TENM1: variants seen among roughly 807,000 people sequenced by gnomAD.
TENM1 encodes the protein teneurin-1.
A neutral mutation model predicts 174.8 loss-of-function variants in TENM1; 35 were observed. That is an observed-to-expected ratio of 0.20 (90% CI 0.15 to 0.27). The LOEUF (loss-of-function observed/expected upper bound fraction) is 0.27. TENM1 is among the 10% of genes least tolerant of loss of function. The probability of loss-of-function intolerance (pLI) is 1.00; values close to 1 mark genes in which losing one functional copy is unlikely to be tolerated. For missense variants in TENM1, 1,633 were observed against 2,130.1 expected, an observed-to-expected ratio of 0.77 and a Z score of 4.59; for synonymous variants, 781 against 798.7, an observed-to-expected ratio of 0.98 and a Z score of 0.37.
the TENM1 span, among the ~76,000 whole-genome samples, chrX:125,040,102 C>T: frequency 9.0e-6 from 1 of 111,309 alleles, no homozygotes; most frequent in Non-Finnish European, 1.9e-5. Context: ...CTTCCAAAAT[C>T]AAAGGGTTGT....
chrX:125,025,931 G>T, the TENM1 span, among the ~76,000 whole-genome samples: 2 of 110,997 alleles, frequency 1.8e-5, no homozygotes, highest in Non-Finnish European at 3.8e-5. Flanking sequence ...ATACAATGAG[G>T]GAAATGTATA....
At chrX:124,658,926 G>A (rs1277207180) in intron 6 of TENM1, among the ~76,000 whole-genome samples, 3 of 111,800 alleles carry the variant, frequency 2.7e-5, no homozygotes, top group African/African-American at 6.5e-5. Flanking sequence ...TCTCTATTTA[G>A]AAGGATTTCT....
chrX:124,467,342 G>A (rs2147888732), intron 22 of TENM1, among the ~76,000 whole-genome samples: 1 of 111,653 alleles, frequency 9.0e-6, no homozygotes, highest in African/African-American at 3.3e-5. Flanking sequence ...CTTTAAATGG[G>A]CCAGAACTCA....
the TENM1 span, among the ~76,000 whole-genome samples, chrX:125,072,434 T>C: frequency 9.0e-6 from 1 of 111,680 alleles, no homozygotes; most frequent in African/African-American, 3.2e-5. Flanking sequence ...TTTATAAGAG[T>C]GCCTATTGGG....
At chrX:125,020,636 G>T in the TENM1 span, among the ~76,000 whole-genome samples, 1 of 110,052 alleles carries the variant, frequency 9.1e-6, no homozygotes. Flanking sequence ...CTGAAGAATT[G>T]ATTATTTCTC....
chrX:124,669,376 A>C (rs1350975227), intron 6 of TENM1, among the ~76,000 whole-genome samples: 1 of 111,629 alleles, frequency 9.0e-6, no homozygotes, highest in Non-Finnish European at 1.9e-5. Context: ...CAATTTAGGA[A>C]GAATGGTCTG....
intron 4 of TENM1, among the ~76,000 whole-genome samples, chrX:124,706,994 C>T (rs1228095395): frequency 1.0e-5 from 1 of 100,276 alleles, no homozygotes. Flanking sequence ...GTCACCCAGG[C>T]TGTAGTACAG....
intron 11 of TENM1, among the ~76,000 whole-genome samples, chrX:124,590,479 G>A (rs1023127772): frequency 2.7e-5 from 3 of 110,767 alleles, no homozygotes; most frequent in African/African-American, 9.9e-5. Flanking sequence ...GGAAATAAAA[G>A]AGGATACAAA....
In TENM1 at chrX:124,781,071, G is replaced by A. The variant is rs149202518; in HGVS notation, c.536-43874C>T. On this transcript the variant is annotated intron_variant, in intron 3 of 31. Transcript: ENST00000422452. ...CTTGTTAAACATTATTGTACTGGTT[G>A]TTTACCTTTATGTTAACCTTACTGT... 2.2e-3 allele frequency among the ~76,000 whole-genome samples: 242 copies of A among 111,542 alleles called. 1 individual carries two copies. The East Asian group carries it at 0.04, about 19-fold the overall frequency.
chrX:124,997,786 T>C, the TENM1 span, among the ~76,000 whole-genome samples: 2 of 110,328 alleles, frequency 1.8e-5, no homozygotes, highest in Non-Finnish European at 3.8e-5. Context: ...TGAACACAAA[T>C]TGGGCTGTAA....
chrX:124,716,902 C>A (rs1452842000), intron 4 of TENM1, among the ~76,000 whole-genome samples: 1 of 111,271 alleles, frequency 9.0e-6, no homozygotes, highest in Non-Finnish European at 1.9e-5. Context: ...GAGAGACGAG[C>A]CTATAAAGCC....
chrX:124,473,535 T>C (rs935693081), intron 22 of TENM1, among the ~76,000 whole-genome samples: 22 of 111,611 alleles, frequency 2.0e-4, no homozygotes, highest in African/African-American at 6.5e-4. Flanking sequence ...GGCGTCCAAG[T>C]TTCATTCTAG....
At chrX:124,856,015 C>CTCTTATTCTCTTCCTAT (rs2056808995) in intron 3 of TENM1, among the ~76,000 whole-genome samples, 1 of 109,266 alleles carries the variant, frequency 9.2e-6, no homozygotes, top group Non-Finnish European at 1.9e-5. Context: ...GTGTTGGGTA[C>CTCTTATTCTCTTCCTAT]GGTGGTGGGA....
intron 23 of TENM1, among the ~76,000 whole-genome samples, chrX:124,439,501 A>AC (rs35473629): frequency 0.51 from 55,674 of 110,168 alleles, 10,908 homozygotes; most frequent in Non-Finnish European, 0.62. Flanking sequence ...AGTGATCTAG[A>AC]CAGAGCTTCA....
At chrX:125,147,712 C>G in the TENM1 span, among the ~76,000 whole-genome samples, 1 of 111,305 alleles carries the variant, frequency 9.0e-6, no homozygotes, top group African/African-American at 3.3e-5. Context: ...ACCTGACCTG[C>G]CAATTCATAA....
chrX:124,971,129 C>A, the TENM1 span, among the ~76,000 whole-genome samples: 1 of 71,568 alleles, frequency 1.4e-5, no homozygotes, highest in African/African-American at 6.0e-5. Flanking sequence ...CACACTGGGG[C>A]CTGTTGTGGG....
the TENM1 span, among the ~76,000 whole-genome samples, chrX:124,996,260 C>A: frequency 1.3e-4 from 14 of 110,670 alleles, no homozygotes; most frequent in African/African-American, 4.6e-4. Context: ...TTTGCAAACA[C>A]TCCTAAGTCC....
the TENM1 span, among the ~76,000 whole-genome samples, chrX:125,097,289 C>T: frequency 2.7e-5 from 3 of 111,358 alleles, no homozygotes; most frequent in Admixed American, 9.5e-5. Context: ...TAGTTCACAG[C>T]GCAAAGAATT....
At chrX:124,651,933 G>A (rs762045220) in exon 8 of TENM1, 3 of 1,206,146 alleles carry the variant, frequency 2.5e-6, no homozygotes, top group Non-Finnish European at 3.4e-6. Flanking sequence ...TAGTTAACAC[G>A]AATACTTGCT....
Sources: allele counts gnomAD v4.1 joint callset (sites outside exome capture counted in the v4.1 genomes callset), GRCh38; gene constraint gnomAD v4.1.1; transcripts MANE v1.5; gene names NCBI Gene and HGNC (gene_info 2026-07-23, HGNC 2026-07-21).